PTPRC: variants seen among roughly 807,000 people sequenced by gnomAD.
PTPRC encodes the protein receptor-type tyrosine-protein phosphatase C.
In PTPRC, 44 loss-of-function variants were observed where a neutral mutation model predicts 155.9. That is an observed-to-expected ratio of 0.28 (90% CI 0.22 to 0.36). PTPRC has a LOEUF of 0.36. Ranked by LOEUF, PTPRC falls within the 10% of genes least tolerant of loss-of-function variation. The probability of loss-of-function intolerance (pLI) is 1.00; values close to 1 mark genes in which losing one functional copy is unlikely to be tolerated. For missense variants in PTPRC, 1,401 were observed against 1,564.6 expected, an observed-to-expected ratio of 0.90 and a Z score of 1.76; for synonymous variants, 525 against 533.1, an observed-to-expected ratio of 0.98 and a Z score of 0.21.
intron 27 of PTPRC, 101 bp from the exon 28 acceptor site, chr1:198,749,315 T>C: frequency 1.7e-6 from 2 of 1,206,160 alleles, no homozygotes; most frequent in East Asian, 2.5e-5. Context: ...GTTTTCATAA[T>C]ACAATCTGTC....
chr1:198,665,174 C>A (rs1664215845), intron 2 of PTPRC, among the ~76,000 whole-genome samples: 1 of 147,576 alleles, frequency 6.8e-6, no homozygotes, highest in Non-Finnish European at 1.5e-5. Flanking sequence ...ACTGCAAGCT[C>A]CGCCTCCCGG....
chr1:198,727,595 A>G (rs558133677), intron 15 of PTPRC, among the ~76,000 whole-genome samples: 50 of 152,296 alleles, frequency 3.3e-4, no homozygotes, highest in African/African-American at 1.2e-3. Context: ...AATCTGGCCA[A>G]GTTCCCAACT....
At chr1:198,708,718 A>G (rs1004012485) in intron 10 of PTPRC, among the ~76,000 whole-genome samples, 1 of 152,252 alleles carries the variant, frequency 6.6e-6, no homozygotes, top group Non-Finnish European at 1.5e-5. Context: ...GTTCAAGAAC[A>G]CTTAAATAAG....
In PTPRC at chr1:198,675,862, T is replaced by G. The variant is rs1664923600; in HGVS notation, c.74-16485T>G. On this transcript the variant is annotated intron_variant, in intron 2 of 32. Transcript: ENST00000442510. ...GTAATTTCTGTTGTATCTACTAATT[T>G]CATTTAAAAAGATAACTAGAGAATA... Among the ~76,000 whole-genome samples the G allele has an allele frequency of 2.0e-5, 3 of 152,162 alleles. 1 individual carries two copies. The highest frequency in any genetic ancestry group is 4.4e-5 in the Non-Finnish European group (3 of 68,016).
intron 2 of PTPRC, among the ~76,000 whole-genome samples, chr1:198,683,072 A>G (rs1343821265): frequency 3.3e-5 from 5 of 152,176 alleles, no homozygotes; most frequent in Non-Finnish European, 5.9e-5. Flanking sequence ...ATTTAAATCT[A>G]GACTCATTTT....
intron 2 of PTPRC, among the ~76,000 whole-genome samples, chr1:198,687,604 T>TGG (rs201977552): frequency 1.4e-4 from 20 of 146,926 alleles, no homozygotes; most frequent in African/African-American, 4.9e-4. Flanking sequence ...ATTAGATGAC[T>TGG]GGGGGGGCGG....
chr1:198,696,667 T>A (rs1224035857), intron 3 of PTPRC, 45 bp from the exon 4 acceptor site: 1 of 1,493,370 alleles, frequency 6.7e-7, no homozygotes, highest in Non-Finnish European at 9.3e-7. Flanking sequence ...AGGGTATGAT[T>A]CACATATTTA....
intron 2 of PTPRC, among the ~76,000 whole-genome samples, chr1:198,654,695 G>A (rs1328352459): frequency 6.6e-6 from 1 of 151,446 alleles, no homozygotes; most frequent in Non-Finnish European, 1.5e-5. Context: ...AATATATTTT[G>A]TAATTTGAGA....
chr1:198,730,989 T>C (rs1217526061), intron 17 of PTPRC, among the ~76,000 whole-genome samples: 1 of 152,178 alleles, frequency 6.6e-6, no homozygotes, highest in African/African-American at 2.4e-5. Flanking sequence ...CTTACCTTTC[T>C]AAAGCTGTTG....
At chr1:198,701,525 G>C (rs1411001812) in intron 5 of PTPRC, among the ~76,000 whole-genome samples, 1 of 152,162 alleles carries the variant, frequency 6.6e-6, no homozygotes, top group East Asian at 1.9e-4. Flanking sequence ...CATCTAGTAG[G>C]AACCAAATGA....
At chr1:198,675,477 CCT>C (rs1664901125) in intron 2 of PTPRC, among the ~76,000 whole-genome samples, 1 of 151,992 alleles carries the variant, frequency 6.6e-6, no homozygotes, top group African/African-American at 2.4e-5. Context: ...TGATCTTCCC[CCT>C]GACTAGGTTT....
At chr1:198,692,730 GCTGT>G (rs1665994865) in intron 3 of PTPRC, 5 of 927,720 alleles carry the variant, frequency 5.4e-6, no homozygotes, top group African/African-American at 1.8e-5. Flanking sequence ...CAGGTTAACA[GCTGT>G]CTATGTATGT....
intron 32 of PTPRC, 117 bp downstream of exon 32, chr1:198,754,521 T>C: frequency 8.3e-7 from 1 of 1,201,190 alleles, no homozygotes. Context: ...TCCCCTTTCC[T>C]TTTCTCTTCT....
intron 14 of PTPRC, among the ~76,000 whole-genome samples, chr1:198,719,705 G>C (rs1001545940): frequency 2.0e-5 from 3 of 152,054 alleles, no homozygotes; most frequent in African/African-American, 7.2e-5. Context: ...CCGCCTCCCG[G>C]GTTCAAATGA....
chr1:198,679,397 T>TC (rs1491495778), intron 2 of PTPRC, among the ~76,000 whole-genome samples: 2 of 1,342 alleles, frequency 1.5e-3, no homozygotes, highest in Non-Finnish European at 7.5e-3. Flanking sequence ...CGCCCAGCTA[T>TC]TTTTTTTTTT....
At chr1:198,705,574 C>G (rs936622471) in intron 8 of PTPRC, among the ~76,000 whole-genome samples, 8 of 151,918 alleles carry the variant, frequency 5.3e-5, no homozygotes, top group African/African-American at 1.7e-4. Context: ...GCACATGCCA[C>G]CGAGCCCAGC....
At position 198,696,773 on chromosome 1, in the gene PTPRC, C is replaced by A. The variant is rs1294125895; in HGVS notation, c.162C>A (p.Thr54=). 3 of 1,614,064 alleles carry A rather than the reference C, an allele frequency of 1.9e-6. No individual in the cohort carries two copies. The highest frequency in any genetic ancestry group is 1.6e-4 in the Middle Eastern group (1 of 6,062). Residue 54 remains threonine, a synonymous_variant, in exon 4 of 33, where the codon ACC becomes ACA. Transcript: ENST00000442510. ...PLSSDPLPTH[T]TAFSPASTFE... ...CAAGTGACCCCTTACCTACTCACACCACTGCATTCTCACCCGCAAGCACCT... is the reference window on the plus strand; with the variant it reads ...CAAGTGACCCCTTACCTACTCACACAACTGCATTCTCACCCGCAAGCACCT...
Position 198,699,691 on chromosome 1 carries a change from C to A in PTPRC, c.426C>A (p.Ser142Arg). The change falls in exon 5 of 33, where the codon AGC becomes AGA. Residue 142 changes from serine (S) to arginine (R), a missense_variant. Coordinates refer to ENST00000442510, the MANE Select transcript of PTPRC (RefSeq NM_002838.5). ...ANAKLNPTPG[S>R]NAISDVPGER... is the part of the protein sequence containing the mutation. ...CAAAACTCAACCCTACCCCAGGCAG[C>A]AATGCTATCTCAGGTTTGCGGGTCC... 2 of 1,614,200 alleles carry A rather than the reference C, an allele frequency of 1.2e-6. No individual in the cohort carries two copies. The highest frequency in any genetic ancestry group is 1.7e-6 in the Non-Finnish European group (2 of 1,180,038).
chr1:198,723,313 C>T (rs1156832130), intron 15 of PTPRC, among the ~76,000 whole-genome samples: 2 of 151,956 alleles, frequency 1.3e-5, no homozygotes, highest in Non-Finnish European at 2.9e-5. Context: ...CTATCTTTGC[C>T]ACTTCTAGTT....
Sources: gnomAD v4.1 joint callset for allele counts (sites outside exome capture counted in the v4.1 genomes callset) on GRCh38, gnomAD v4.1.1 for gene constraint, MANE v1.5 for transcripts, NCBI Gene and HGNC (gene_info 2026-07-23, HGNC 2026-07-21) for gene names.